The following GAREM1 variants were observed in gnomAD, a reference collection of about 807,000 sequenced individuals.
GAREM1 encodes GRB2 associated regulator of MAPK1 subtype 1.
GAREM1 carries 26 observed loss-of-function variants against 71.3 expected under a neutral mutation model. The ratio of observed to expected loss-of-function variants is 0.36; its 90% CI spans 0.27 to 0.51. GAREM1 has a LOEUF of 0.51. GAREM1 is among the 20% of genes least tolerant of loss of function. GAREM1 has a pLI of 0.95. For synonymous variants in GAREM1, 440 were observed against 433.2 expected (o/e 1.02, Z -0.20); for missense variants, 1,026 against 1,103.1 (o/e 0.93, Z 0.99).
chr18:32,370,719 A>G (rs2047969893), intron 2 of GAREM1, among the ~76,000 whole-genome samples: 1 of 152,192 alleles, frequency 6.6e-6, no homozygotes, highest in South Asian at 2.1e-4. Flanking sequence ...GCTAATACTA[A>G]CATTAAGATT....
chr18:32,342,053 T>C (rs183389004), intron 2 of GAREM1, among the ~76,000 whole-genome samples: 2 of 152,276 alleles, frequency 1.3e-5, no homozygotes, highest in Admixed American at 1.3e-4. Flanking sequence ...TGGGTTTGAA[T>C]GACCTTTGAG....
chr18:32,365,149 T>C (rs2047918556), intron 2 of GAREM1, among the ~76,000 whole-genome samples: 1 of 152,152 alleles, frequency 6.6e-6, no homozygotes, highest in African/African-American at 2.4e-5. Flanking sequence ...TGGAATTGTC[T>C]TTACTCCTAG....
chr18:32,300,686 C>T (rs949469546), intron 3 of GAREM1, among the ~76,000 whole-genome samples: 1 of 152,090 alleles, frequency 6.6e-6, no homozygotes, highest in African/African-American at 2.4e-5. Context: ...GCGGGCAAAT[C>T]GCTTGAGATC....
At chr18:32,357,149 T>C (rs1228216475) in intron 2 of GAREM1, among the ~76,000 whole-genome samples, 8 of 152,144 alleles carry the variant, frequency 5.3e-5, no homozygotes, top group African/African-American at 9.7e-5. Context: ...CCTTACTTGT[T>C]ACTCAGGTTT....
In GAREM1 at chr18:32,263,934, A is replaced by G. The variant is rs1468985824; in HGVS notation, c.*3937T>C. On this transcript the variant is annotated 3_prime_UTR_variant, in exon 6 of 6. Transcript: ENST00000269209. ...TGATAAGCTCTATTACAAAATTTAT[A>G]GCCTAAAAATTAGAGCAGCAAAATT... 1 of 152,260 alleles carries G rather than the reference A, an allele frequency of 6.6e-6. No homozygotes were observed. Among genetic ancestry groups the G allele is most frequent in the Non-Finnish European group, 1.5e-5 (1 of 68,038 alleles). 9.4% of individuals were successfully genotyped at this position (152,260 alleles called of 1,614,324 possible).
intron 2 of GAREM1, among the ~76,000 whole-genome samples, chr18:32,364,028 G>GTTGTTTTTTTT (rs2047903365): frequency 9.2e-5 from 2 of 21,674 alleles, no homozygotes; most frequent in Admixed American, 8.0e-4. Context: ...ATATATATAT[G>GTTGTTTTTTTT]TTTTTTTTTT....
At chr18:32,348,571 A>G (rs1348479920) in intron 2 of GAREM1, among the ~76,000 whole-genome samples, 1 of 152,098 alleles carries the variant, frequency 6.6e-6, no homozygotes, top group Non-Finnish European at 1.5e-5. Context: ...TAAAAATACG[A>G]AAATTAGCTG....
chr18:32,381,485 C>T (rs1260939376), intron 2 of GAREM1, among the ~76,000 whole-genome samples: 1 of 152,178 alleles, frequency 6.6e-6, no homozygotes, highest in African/African-American at 2.4e-5. Context: ...TCAGAATTAT[C>T]TTTTGCTCCC....
intron 1 of GAREM1, among the ~76,000 whole-genome samples, chr18:32,422,963 A>AGGC (rs2048534525): frequency 1.3e-5 from 2 of 152,222 alleles, no homozygotes. Flanking sequence ...TTGGTCTCAA[A>AGGC]CATTATACCA....
chr18:32,355,388 G>A (rs2047794310), intron 2 of GAREM1, among the ~76,000 whole-genome samples: 1 of 151,974 alleles, frequency 6.6e-6, no homozygotes, highest in Admixed American at 6.6e-5. Context: ...TGCATATTTG[G>A]AGTCGATGCA....
intron 1 of GAREM1, among the ~76,000 whole-genome samples, chr18:32,396,760 A>C (rs974155912): frequency 7.2e-5 from 11 of 152,184 alleles, no homozygotes; most frequent in Non-Finnish European, 1.3e-4. Flanking sequence ...GAACTTCCCC[A>C]ATCTAGCAAG....
chr18:32,366,912 A>C (rs1246364367), intron 2 of GAREM1, among the ~76,000 whole-genome samples: 1 of 152,204 alleles, frequency 6.6e-6, no homozygotes, highest in East Asian at 1.9e-4. Context: ...TGAAAAACCA[A>C]GTATCATGAT....
chr18:32,385,065 T>C (rs1321665538), intron 2 of GAREM1, among the ~76,000 whole-genome samples: 2 of 152,170 alleles, frequency 1.3e-5, no homozygotes, highest in Non-Finnish European at 2.9e-5. Context: ...TTTCTCTCTT[T>C]TTCCTTTTCT....
In GAREM1 at chr18:32,286,937, C is replaced by A. The variant is rs1214159755; in HGVS notation, c.1566+94G>T. 4.4e-6 allele frequency: 4 copies of A among 910,826 alleles called. No homozygotes were observed. In the East Asian group the frequency reaches 7.2e-5, roughly 17 times the overall value. The allele number at this position is 910,826 out of a possible 1,614,324, so 56.4% of individuals were successfully genotyped here. On this transcript the variant is annotated intron_variant, in intron 4 of 5. Transcript: ENST00000269209. ...TAAACAAATTTGCTCACTCTGCAAT[C>A]TTCAGTTGGGGAGTTTTAAGAAAAT...
intron 2 of GAREM1, among the ~76,000 whole-genome samples, chr18:32,385,446 C>G (rs2048137130): frequency 6.6e-6 from 1 of 152,018 alleles, no homozygotes; most frequent in Admixed American, 6.5e-5. Context: ...GATCACCCCC[C>G]TAGGCCCAGC....
rs58886413 is a variant in GAREM1 at position 32,267,499 on chromosome 18, GTTT to G, written c.*369_*371del. On this transcript the variant is annotated 3_prime_UTR_variant, in exon 6 of 6. Coordinates refer to ENST00000269209, the MANE Select transcript of GAREM1 (RefSeq NM_001242409.2). ...TGAAAGAAGGGACTTGTTCAAAAGT[GTTT>G]TTTTTTTTTTTTTAAAGATTTTTAT... The G allele has an allele frequency of 0.055, 7,814 of 143,262 alleles. 340 individuals carry two copies. The highest frequency in any genetic ancestry group is 0.12 in the African/African-American group (4,710 of 39,218). The allele number at this position is 143,262 out of a possible 1,614,324, so 8.9% of individuals were successfully genotyped here.
chr18:32,304,570 C>G lies in GAREM1; in HGVS notation c.393+5623G>C, dbSNP rs563254715. On this transcript the variant is annotated intron_variant, in intron 3 of 5. Transcript: ENST00000269209. ...CATAGATAATACATAAACACATAGA[C>G]ATGGCTTTGTTCCAATAAAACTTTA... Among the ~76,000 whole-genome samples the G allele has an allele frequency of 4.6e-5, 7 of 152,352 alleles. No individual in the cohort carries two copies. In the South Asian group the frequency reaches 1.5e-3, roughly 32 times the overall value.
chr18:32,378,739 C>T (rs2048065355), intron 2 of GAREM1, among the ~76,000 whole-genome samples: 1 of 152,110 alleles, frequency 6.6e-6, no homozygotes, highest in African/African-American at 2.4e-5. Context: ...TTCTCATATC[C>T]AAGAGTGTGC....
chr18:32,396,154 G>A (rs112372485), intron 1 of GAREM1, among the ~76,000 whole-genome samples: 7 of 151,996 alleles, frequency 4.6e-5, no homozygotes, highest in Admixed American at 3.3e-4. Context: ...ACACCAAAAC[G>A]CCATCTGTAT....
Sources: gnomAD v4.1 joint callset for allele counts (sites outside exome capture counted in the v4.1 genomes callset) on GRCh38, gnomAD v4.1.1 for gene constraint, MANE v1.5 for transcripts, NCBI Gene and HGNC (gene_info 2026-07-23, HGNC 2026-07-21) for gene names.